Variants in FASTKD2 observed in about 807,000 individuals in gnomAD.
FASTKD2 encodes FAST kinase domain-containing protein 2, mitochondrial.
A neutral mutation model predicts 63.6 loss-of-function variants in FASTKD2; 51 were observed. The ratio of observed to expected loss-of-function variants is 0.80; its 90% CI spans 0.64 to 1.01. FASTKD2 has a LOEUF of 1.01. Ranked by LOEUF, FASTKD2 falls within the 50% of genes least tolerant of loss-of-function variation. The pLI is 0.00. For missense variants in FASTKD2, 786 were observed against 831.1 expected (o/e 0.95, Z 0.67); for synonymous variants, 284 against 293.4 (o/e 0.97, Z 0.33).
rs886055525 is a variant in FASTKD2 at position 206,795,698 on chromosome 2, A to C, written c.*3896A>C. On this transcript the variant is annotated 3_prime_UTR_variant, in exon 12 of 12. Transcript: ENST00000402774. ...CTCTATGCAGATGTACCTACTTGAA[A>C]CTGGGAAGGCCAAATGAGATAGAGG... Among the ~76,000 whole-genome samples the C allele has an allele frequency of 6.6e-6, 1 of 152,186 alleles. No homozygotes were observed. The highest frequency in any genetic ancestry group is 1.5e-5 in the Non-Finnish European group (1 of 68,032).
At chr2:206,772,376 T>A in intron 6 of FASTKD2, 56 bp downstream of exon 6, 1 of 1,492,446 alleles carries the variant, frequency 6.7e-7, no homozygotes, top group Admixed American at 1.7e-5. Context: ...CACTAATTCA[T>A]GTAGCATTTT....
intron 10 of FASTKD2, 131 bp from the exon 11 acceptor site, chr2:206,790,441 G>C: frequency 1.4e-6 from 1 of 704,956 alleles, no homozygotes; most frequent in Non-Finnish European, 2.6e-6. Context: ...AGAAGTGAAG[G>C]ACTAAGACAG....
At chr2:206,770,048 TG>T in intron 2 of FASTKD2, 42 bp from the exon 3 acceptor site, 2 of 1,249,442 alleles carry the variant, frequency 1.6e-6, no homozygotes, top group Non-Finnish European at 2.4e-6. Context: ...TAGTTTACTA[TG>T]GGCTCATCAC....
At chr2:206,766,517 A>G (rs938324865) in intron 1 of FASTKD2, 127 bp from the exon 2 acceptor site, 1 of 614,154 alleles carries the variant, frequency 1.6e-6, no homozygotes, top group Non-Finnish European at 2.8e-6. Flanking sequence ...AAAAACTTTT[A>G]CTGTTTTATG....
At chr2:206,777,425 A>T (rs996934455) in intron 7 of FASTKD2, among the ~76,000 whole-genome samples, 7 of 152,158 alleles carry the variant, frequency 4.6e-5, no homozygotes, top group Admixed American at 6.5e-5. Context: ...ATCTAATTAG[A>T]TGATCATATG....
At chr2:206,784,065 C>T (rs1690070104) in intron 7 of FASTKD2, among the ~76,000 whole-genome samples, 1 of 152,156 alleles carries the variant, frequency 6.6e-6, no homozygotes, top group Non-Finnish European at 1.5e-5. Flanking sequence ...AACATTTCTC[C>T]AAAGGAGAAG....
Position 206,792,819 on chromosome 2 carries a change from C to G in FASTKD2, c.*1017C>G, listed in dbSNP as rs1295948683. On this transcript the variant is annotated 3_prime_UTR_variant, in exon 12 of 12. Transcript: ENST00000402774. Reference sequence around the variant, plus strand: ...GAGGTGTAGCTGCTATTATGATTCTCTCTGTGTCTTCACTTCCTCATCTCT... The same window carrying G: ...GAGGTGTAGCTGCTATTATGATTCTGTCTGTGTCTTCACTTCCTCATCTCT... Among the ~76,000 whole-genome samples the G allele has an allele frequency of 6.6e-6, 1 of 152,190 alleles. No homozygotes were observed. The highest frequency in any genetic ancestry group is 1.5e-5 in the Non-Finnish European group (1 of 68,024).
chr2:206,767,029 G>T lies in FASTKD2; in HGVS notation c.336G>T (p.Leu112=). 6.2e-7 allele frequency: 1 copy of T among 1,613,934 alleles called. No individual in the cohort carries two copies. Among genetic ancestry groups the T allele is most frequent in the East Asian group, 2.2e-5 (1 of 44,868 alleles). Residue 112 remains leucine, a synonymous_variant, in exon 2 of 12, where the codon CTG becomes CTT. Coordinates refer to ENST00000402774, the MANE Select transcript of FASTKD2 (RefSeq NM_001136193.2). The part of the protein sequence containing the change: ...RIERLLYAKR[L]FFDSKQSLVP... The stretch of plus-strand genomic sequence containing the variant: ...AAAGACTACTTTATGCTAAAAGACT[G>T]TTTTTTGACTCAAAGCAGTCTCTTG...
At chr2:206,773,381 G>A (rs1021541050) in intron 6 of FASTKD2, among the ~76,000 whole-genome samples, 3 of 151,004 alleles carry the variant, frequency 2.0e-5, no homozygotes, top group African/African-American at 7.3e-5. Context: ...TGATTTCCGT[G>A]TTTATACTTT....
chr2:206,768,094 C>T (rs941705965), intron 2 of FASTKD2, among the ~76,000 whole-genome samples: 6 of 152,098 alleles, frequency 3.9e-5, no homozygotes, highest in African/African-American at 1.4e-4. Flanking sequence ...AAATAGGAAC[C>T]AAATCATAAA....
chr2:206,792,169 C>T lies in FASTKD2; in HGVS notation c.*367C>T. The stretch of plus-strand genomic sequence containing the variant: ...TGTCTTTGGAATCTGAATATTTATA[C>T]TCCTGCTCTAAGCTGTTCTAAGACT... On this transcript the variant is annotated 3_prime_UTR_variant, in exon 12 of 12. Coordinates refer to ENST00000402774, the MANE Select transcript of FASTKD2 (RefSeq NM_001136193.2). The T allele has an allele frequency of 3.4e-6, 1 of 297,898 alleles. No individual in the cohort carries two copies. Among genetic ancestry groups the T allele is most frequent in the Non-Finnish European group, 6.4e-6 (1 of 155,816 alleles). 18.5% of individuals were successfully genotyped at this position (297,898 alleles called of 1,614,324 possible). A position where few individuals can be genotyped will look rare whatever the true frequency, so the allele number is the denominator to read the frequency against.
intron 1 of FASTKD2, among the ~76,000 whole-genome samples, chr2:206,766,259 C>CA (rs60933510): frequency 0.036 from 2,034 of 55,928 alleles, 174 homozygotes; most frequent in Middle Eastern, 0.075. Context: ...GACTTTGTCT[C>CA]AAAAAAAAAA....
chr2:206,766,584 T>C (rs954735024), intron 1 of FASTKD2, 60 bp from the exon 2 acceptor site: 14 of 966,234 alleles, frequency 1.4e-5, no homozygotes, highest in Non-Finnish European at 2.3e-5. Context: ...ATGCATTTCA[T>C]TTCTTTAAGT....
intron 7 of FASTKD2, among the ~76,000 whole-genome samples, chr2:206,779,282 A>G (rs190819783): frequency 6.6e-6 from 1 of 152,324 alleles, no homozygotes. Flanking sequence ...CCTTAAATCT[A>G]AAGCGAGTAT....
chr2:206,783,391 G>A (rs1356414524), intron 7 of FASTKD2: 1 of 153,650 alleles, frequency 6.5e-6, no homozygotes, highest in Non-Finnish European at 1.5e-5. Flanking sequence ...CCAGCTGCCT[G>A]TTTTTCTGAA....
intron 7 of FASTKD2, among the ~76,000 whole-genome samples, chr2:206,782,223 C>G (rs572133630): frequency 6.6e-6 from 1 of 152,300 alleles, no homozygotes; most frequent in South Asian, 2.1e-4. Context: ...AAGGTGATCT[C>G]CTTGGTGCTG....
chr2:206,770,532 G>A (rs747635411), intron 3 of FASTKD2, among the ~76,000 whole-genome samples: 22 of 151,950 alleles, frequency 1.4e-4, no homozygotes, highest in Middle Eastern at 3.4e-3. Flanking sequence ...TCACGAGGTC[G>A]GGAGATCGAG....
At chr2:206,779,858 C>G (rs190054423) in intron 7 of FASTKD2, among the ~76,000 whole-genome samples, 86 of 152,164 alleles carry the variant, frequency 5.7e-4, no homozygotes, top group African/African-American at 2.0e-3. Flanking sequence ...CTTGTTGATT[C>G]TTTTGTGAGA....
At chr2:206,782,778 T>C (rs1341371462) in intron 7 of FASTKD2, among the ~76,000 whole-genome samples, 1 of 152,234 alleles carries the variant, frequency 6.6e-6, no homozygotes, top group Non-Finnish European at 1.5e-5. Flanking sequence ...TATTCACTTA[T>C]TAAAATGGAG....
Sources: allele counts gnomAD v4.1 joint callset (sites outside exome capture counted in the v4.1 genomes callset), GRCh38; gene constraint gnomAD v4.1.1; transcripts MANE v1.5; gene names NCBI Gene and HGNC (gene_info 2026-07-23, HGNC 2026-07-21).